ANKRD35: variants seen among roughly 807,000 people sequenced by gnomAD.
ANKRD35 encodes ankyrin repeat domain-containing protein 35.
Under a neutral mutation model 109.9 loss-of-function variants are expected in ANKRD35, and 102 were observed. The ratio of observed to expected loss-of-function variants is 0.93; its 90% CI spans 0.79 to 1.09. ANKRD35 has a LOEUF of 1.09. ANKRD35 is among the 50% of genes least tolerant of loss of function. The pLI is 0.00. For synonymous variants in ANKRD35, 515 were observed against 512.4 expected, an observed-to-expected ratio of 1.01 and a Z score of -0.07; for missense variants, 1,240 against 1,230.1, an observed-to-expected ratio of 1.01 and a Z score of -0.12.
In ANKRD35 at chr1:145,873,398, A is replaced by G; in HGVS notation, c.1371T>C (p.Ala457=). 6.2e-7 allele frequency: 1 copy of G among 1,614,200 alleles called. No homozygotes were observed. Among genetic ancestry groups the G allele is most frequent in the Non-Finnish European group, 8.5e-7 (1 of 1,180,022 alleles). Residue 457 remains alanine (A), a synonymous_variant, in exon 10 of 14, where the codon GCT becomes GCC. Transcript: ENST00000355594. The part of the protein sequence containing the change: ...NGAQTFGPDH[A]DQLPAGQKES... ...CCTTCTGACCAGCAGGCAGCTGGTCAGCATGATCAGGGCCAAAGGTCTGTG... is the reference window on the plus strand; with the variant it reads ...CCTTCTGACCAGCAGGCAGCTGGTCGGCATGATCAGGGCCAAAGGTCTGTG...
At chr1:145,875,576 C>T (rs1441413567) in intron 7 of ANKRD35, among the ~76,000 whole-genome samples, 1 of 150,662 alleles carries the variant, frequency 6.6e-6, no homozygotes, top group African/African-American at 2.4e-5. Context: ...GACGGAGTCT[C>T]GCTCCTCTCT....
intron 1 of ANKRD35, among the ~76,000 whole-genome samples, chr1:145,881,621 G>A (rs1278927259): frequency 6.6e-6 from 1 of 152,212 alleles, no homozygotes; most frequent in Non-Finnish European, 1.5e-5. Context: ...ACAGGGTGCT[G>A]CCATCAGCTG....
In ANKRD35 at chr1:145,873,277, C is replaced by A; in HGVS notation, c.1492G>T (p.Glu498Ter). The A allele has an allele frequency of 2.5e-6, 4 of 1,614,170 alleles. No individual in the cohort carries two copies. The highest frequency in any genetic ancestry group is 3.4e-6 in the Non-Finnish European group (4 of 1,180,004). ...MNQLLLQLREELAAVWREKDA... is the reference protein window; with the variant it reads ...MNQLLLQLRE Reference sequence around the variant, plus strand: ...TTTTCTCGCCACACTGCAGCAAGCTCCTCCCTTAGTTGAAGCAGAAGCTGG... The same window carrying A: ...TTTTCTCGCCACACTGCAGCAAGCTACTCCCTTAGTTGAAGCAGAAGCTGG... Residue 498 changes from glutamate to a stop codon, truncating the protein, a stop_gained, in exon 10 of 14, where the codon GAG becomes TAG. Transcript: ENST00000355594. LOFTEE classifies it high-confidence loss of function.
At chr1:145,871,659 T>C (rs963869732) in intron 10 of ANKRD35, among the ~76,000 whole-genome samples, 1 of 152,180 alleles carries the variant, frequency 6.6e-6, no homozygotes, top group Non-Finnish European at 1.5e-5. Context: ...CCCAGGCTAA[T>C]ATGCAATTCA....
rs1553738008 is a variant in ANKRD35, at chr1:145,868,025, G to A, written c.2909C>T (p.Ser970Phe). The A allele has an allele frequency of 1.9e-6, 3 of 1,614,002 alleles. No individual in the cohort carries two copies. The highest frequency in any genetic ancestry group is 1.7e-5 in the Admixed American group (1 of 59,986). The change falls in exon 12 of 14, where the codon TCC (serine) becomes TTC (phenylalanine). Residue 970 changes from serine (S) to phenylalanine (F), a missense_variant. Physicochemically the swap from Ser to Phe is radical, Grantham distance 155. Coordinates refer to ENST00000355594, the MANE Select transcript of ANKRD35 (RefSeq NM_144698.5). ...DSQKNHEEIISTYRNHLLNAA... is the reference protein window; with the variant it reads ...DSQKNHEEIIFTYRNHLLNAA... ...ATTCAGTAGATGATTCCTGTAGGTG[G>A]AGATGATCTCTTCATGGTTCTTCTG...
rs781786302 is a variant in ANKRD35, at chr1:145,872,952, C to T, written c.1817G>A (p.Gly606Glu). 6.2e-7 allele frequency: 1 copy of T among 1,611,364 alleles called. No homozygotes were observed. The highest frequency in any genetic ancestry group is 8.5e-7 in the Non-Finnish European group (1 of 1,178,516). The change falls in exon 10 of 14, where the codon GGA becomes GAA. Residue 606 changes from glycine to glutamate, a missense_variant. Transcript: ENST00000355594. Reference sequence around the variant, plus strand: ...CTCCAGCTGTCCCTTTGCCAGGCCTCCTAGGGCCTTTTCCCCTCCAAGGGC... The same window carrying T: ...CTCCAGCTGTCCCTTTGCCAGGCCTTCTAGGGCCTTTTCCCCTCCAAGGGC... ...LGALGGEKAL[G>E]GLAKGQLEKE...
intron 4 of ANKRD35, 57 bp from the exon 5 acceptor site, chr1:145,876,930 A>G: frequency 1.3e-6 from 2 of 1,586,224 alleles, no homozygotes; most frequent in Non-Finnish European, 1.7e-6. Context: ...TCCTCATCCC[A>G]TACCCCCATT....
Position 145,867,303 on chromosome 1 carries a change from T to C in ANKRD35, c.*27A>G, listed in dbSNP as rs1653640336. Reference sequence around the variant, plus strand: ...ACAACTCACAACAGAGAATCTCGTATCCCTGAGGGCACACAGTGAGGCTGC... The same window carrying C: ...ACAACTCACAACAGAGAATCTCGTACCCCTGAGGGCACACAGTGAGGCTGC... On this transcript the variant is annotated 3_prime_UTR_variant, in exon 13 of 14. Coordinates refer to ENST00000355594, the MANE Select transcript of ANKRD35 (RefSeq NM_144698.5). 4.4e-6 allele frequency: 7 copies of C among 1,608,278 alleles called. No individual in the cohort carries two copies. Among genetic ancestry groups the C allele is most frequent in the Non-Finnish European group, 5.1e-6 (6 of 1,175,038 alleles).
Position 145,873,057 on chromosome 1 carries a change from A to C in ANKRD35, c.1712T>G (p.Leu571Arg). The C allele has an allele frequency of 6.2e-7, 1 of 1,611,192 alleles. No individual in the cohort carries two copies. Among genetic ancestry groups the C allele is most frequent in the Non-Finnish European group, 8.5e-7 (1 of 1,178,740 alleles). ...VPSQESREGA[L>R]KAAPGSIKQD... Reference sequence around the variant, plus strand: ...TTTGATGCTCCCTGGGGCTGCCTTTAGGGCTCCCTCTCTGGACTCCTGGGA... The same window carrying C: ...TTTGATGCTCCCTGGGGCTGCCTTTCGGGCTCCCTCTCTGGACTCCTGGGA... Residue 571 changes from leucine (L) to arginine (R), a missense_variant, in exon 10 of 14, where the codon CTA (leucine) becomes CGA (arginine). By Grantham distance (102) the Leu-to-Arg change is moderately radical (BLOSUM62 -2). Transcript: ENST00000355594.
rs587635061 is a variant in ANKRD35 at position 145,876,983 on chromosome 1, C to G, written c.325-110G>C. On this transcript the variant is annotated intron_variant, in intron 4 of 13. Transcript: ENST00000355594. ...GGTAATATGAGGAGGGGCAGGAGGT[C>G]CACTTTGGAGAAGGCTATCTACTAG... 5.3e-6 allele frequency: 6 copies of G among 1,137,200 alleles called. No homozygotes were observed. In the Admixed American group the frequency reaches 1.1e-4, roughly 22 times the overall value. 70.4% of individuals were successfully genotyped at this position (1,137,200 alleles called of 1,614,324 possible).
rs112227333 is a variant in ANKRD35, at chr1:145,870,154, G to A, written c.2788-1754C>T. Among the ~76,000 whole-genome samples, 842 of 149,642 alleles carry A rather than the reference G, an allele frequency of 5.6e-3. 5 individuals carry two copies. The highest frequency in any genetic ancestry group is 0.023 in the East Asian group (119 of 5,084). On this transcript the variant is annotated intron_variant, in intron 10 of 13. Coordinates refer to ENST00000355594, the MANE Select transcript of ANKRD35 (RefSeq NM_144698.5). ...CGCCCAGGCTGGAGTGCAGTGGCGC[G>A]ATCTCAGCTCACTGCAAGCTCCACG...
In ANKRD35 at chr1:145,874,987, A is replaced by T; in HGVS notation, c.580T>A (p.Cys194Ser). 1.2e-6 allele frequency: 2 copies of T among 1,608,228 alleles called. No individual in the cohort carries two copies. Among genetic ancestry groups the T allele is most frequent in the Non-Finnish European group, 1.7e-6 (2 of 1,177,354 alleles). Residue 194 changes from cysteine to serine, a missense_variant, in exon 8 of 14, where the codon TGT becomes AGT. Cys to Ser is a moderately radical substitution (Grantham distance 112). Coordinates refer to ENST00000355594, the MANE Select transcript of ANKRD35 (RefSeq NM_144698.5). ...GCCACCTCGGCACTGCCTTTCTCAC[A>T]GGCCAGGATCAAAGCCGATCTGTGG... ...KNDKSALILA[C>S]EKGSAEVAEL...
At chr1:145,871,096 T>TATCTAATA (rs1309906902) in intron 10 of ANKRD35, among the ~76,000 whole-genome samples, 4 of 151,282 alleles carry the variant, frequency 2.6e-5, no homozygotes, top group Admixed American at 2.6e-4. Flanking sequence ...GAAACTCTGG[T>TATCTAATA]ATCTAATAGT....
Position 145,885,801 on chromosome 1 carries a change from CG to C in ANKRD35, c.-44del. Reference sequence around the variant, plus strand: ...CGGGGGATGGGGACGCGCAGAGAGCCGGGCCACAGGTTCCCGAACCCACCGG... The same window carrying C: ...CGGGGGATGGGGACGCGCAGAGAGCCGGCCACAGGTTCCCGAACCCACCGG... On this transcript the variant is annotated 5_prime_UTR_variant, in exon 1 of 14. Coordinates refer to ENST00000355594, the MANE Select transcript of ANKRD35 (RefSeq NM_144698.5). The C allele has an allele frequency of 6.7e-7, 1 of 1,500,978 alleles. No homozygotes were observed. The highest frequency in any genetic ancestry group is 1.1e-5 in the South Asian group (1 of 88,426). 93.0% of individuals were successfully genotyped at this position (1,500,978 alleles called of 1,614,324 possible).
At chr1:145,874,681 C>T in intron 8 of ANKRD35, 141 bp downstream of exon 8, 1 of 1,086,976 alleles carries the variant, frequency 9.2e-7, no homozygotes, top group Non-Finnish European at 1.3e-6. Flanking sequence ...GGGGTCCTCT[C>T]ACAGTAGCAG....
In ANKRD35 at chr1:145,872,651, G is replaced by C; in HGVS notation, c.2118C>G (p.Asp706Glu). 1 of 1,614,070 alleles carries C rather than the reference G, an allele frequency of 6.2e-7. No homozygotes were observed. The highest frequency in any genetic ancestry group is 8.5e-7 in the Non-Finnish European group (1 of 1,179,982). ...CGCCCACTAGGTCTGCGGGCAGGCA[G>C]TCCCACAGCCCTCGGAGACCGCTGC... ...SQSSGLRGLW[D>E]CLPADLVGER... The change falls in exon 10 of 14, where the codon GAC becomes GAG. Residue 706 changes from aspartate to glutamate, a missense_variant. Asp to Glu is a conservative substitution (Grantham distance 45). Coordinates refer to ENST00000355594, the MANE Select transcript of ANKRD35 (RefSeq NM_144698.5).
rs782569826 is a variant in ANKRD35, at chr1:145,876,217, C to T, written c.483G>A (p.Ser161=). The T allele has an allele frequency of 9.9e-6, 16 of 1,613,792 alleles. No individual in the cohort carries two copies. The highest frequency in any genetic ancestry group is 6.7e-5 in the Admixed American group (4 of 59,974). Residue 161 remains serine (S), a synonymous_variant, in exon 7 of 14, where the codon TCG becomes TCA. Coordinates refer to ENST00000355594, the MANE Select transcript of ANKRD35 (RefSeq NM_144698.5). ...NDGRTPLMIA[S]LGGHAAICSQ... is the part of the protein sequence containing the mutation. Reference sequence around the variant, plus strand: ...AGCAGATAGCTGCGTGCCCACCCAGCGATGCGATCATCAGGGGTGTACGTC... The same window carrying T: ...AGCAGATAGCTGCGTGCCCACCCAGTGATGCGATCATCAGGGGTGTACGTC...
intron 10 of ANKRD35, 45 bp from the exon 11 acceptor site, chr1:145,868,445 TTC>T: frequency 3.2e-6 from 5 of 1,566,624 alleles, no homozygotes; most frequent in Non-Finnish European, 4.4e-6. Flanking sequence ...TCCAAGTCAT[TTC>T]TCCCACAAGG....
intron 10 of ANKRD35, 79 bp from the exon 11 acceptor site, chr1:145,868,479 C>T: frequency 1.6e-6 from 2 of 1,257,236 alleles, no homozygotes; most frequent in East Asian, 4.6e-5. Flanking sequence ...CTTCCTTTTA[C>T]TGAGTATTTA....
Sources: gnomAD v4.1 joint callset for allele counts (sites outside exome capture counted in the v4.1 genomes callset) on GRCh38, gnomAD v4.1.1 for gene constraint, MANE v1.5 for transcripts, NCBI Gene and HGNC (gene_info 2026-07-23, HGNC 2026-07-21) for gene names.